TMEM161B: variants seen among roughly 807,000 people sequenced by gnomAD.
TMEM161B encodes transmembrane protein 161B.
Under a neutral mutation model 61.8 loss-of-function variants are expected in TMEM161B, and 34 were observed. That is an observed-to-expected ratio of 0.55 (90% CI 0.42 to 0.73). The LOEUF (loss-of-function observed/expected upper bound fraction) is 0.73, where lower values mean the gene tolerates loss of function less well. Ranked by LOEUF, TMEM161B falls within the 30% of genes least tolerant of loss-of-function variation. The pLI, the probability that TMEM161B is intolerant of heterozygous loss-of-function variation, is 0.00. For missense variants in TMEM161B, 456 were observed against 558.5 expected (o/e 0.82, Z 1.85); for synonymous variants, 167 against 192.8 (o/e 0.87, Z 1.11).
rs1753634487 is a variant in TMEM161B, at chr5:88,246,466, T to TTTAATATATTA, written c.4-5561_4-5551dup. Among the ~76,000 whole-genome samples the TTTAATATATTA allele has an allele frequency of 2.0e-5, 3 of 151,862 alleles. No individual in the cohort carries two copies. The South Asian group carries it at 6.2e-4, about 31-fold the overall frequency. On this transcript the variant is annotated intron_variant, in intron 1 of 11. Coordinates refer to ENST00000296595, the MANE Select transcript of TMEM161B (RefSeq NM_153354.5). ...TTTAGAGAATTATATGTATTATCAA[T>TTTAATATATTA]TTAATATATTATTAATGTTGAACTT...
At chr5:88,216,613 T>C (rs1747892789) in intron 5 of TMEM161B, among the ~76,000 whole-genome samples, 2 of 152,202 alleles carry the variant, frequency 1.3e-5, no homozygotes, top group Admixed American at 6.5e-5. Context: ...TCTTCTAGTC[T>C]AAACTATACC....
chr5:88,204,724 A>T (rs1458666480), intron 8 of TMEM161B, among the ~76,000 whole-genome samples: 1 of 151,708 alleles, frequency 6.6e-6, no homozygotes, highest in Non-Finnish European at 1.5e-5. Flanking sequence ...GAAAGACGGG[A>T]TGCAGCCAAA....
intron 3 of TMEM161B, among the ~76,000 whole-genome samples, chr5:88,226,576 C>G (rs944409500): frequency 6.6e-6 from 1 of 152,128 alleles, no homozygotes; most frequent in Non-Finnish European, 1.5e-5. Context: ...CAGGTACACA[C>G]CCCCATGGCC....
chr5:88,228,712 G>A, intron 2 of TMEM161B, among the ~76,000 whole-genome samples, 184 bp from the exon 3 acceptor site: 1 of 152,050 alleles, frequency 6.6e-6, no homozygotes, highest in South Asian at 2.1e-4. Flanking sequence ...ACATCCAGCA[G>A]ACACTTAACC....
chr5:88,257,135 A>T (rs1253657666), intron 1 of TMEM161B, among the ~76,000 whole-genome samples: 1 of 152,032 alleles, frequency 6.6e-6, no homozygotes. Context: ...CAGGAGTGGC[A>T]GCGACAGCCT....
intron 5 of TMEM161B, among the ~76,000 whole-genome samples, chr5:88,213,981 G>T (rs1475953924): frequency 1.3e-5 from 2 of 152,062 alleles, no homozygotes; most frequent in Non-Finnish European, 2.9e-5. Context: ...GTAAATAAAA[G>T]AATATAGTTA....
chr5:88,222,172 A>C (rs1749123210), intron 4 of TMEM161B, among the ~76,000 whole-genome samples: 4 of 152,136 alleles, frequency 2.6e-5, no homozygotes, highest in African/African-American at 9.7e-5. Flanking sequence ...GGGCTCAAAC[A>C]ATCTTCCCAC....
In TMEM161B at chr5:88,268,758, G is replaced by C. The variant is rs953591097; in HGVS notation, c.-35C>G. 10 of 1,613,828 alleles carry C rather than the reference G, an allele frequency of 6.2e-6. No individual in the cohort carries two copies. The highest frequency in any genetic ancestry group is 8.5e-6 in the Non-Finnish European group (10 of 1,179,926). On this transcript the variant is annotated 5_prime_UTR_variant, in exon 1 of 12. Transcript: ENST00000296595. ...GATAGGTCGTGGACCAGACACCCTG[G>C]AGTTGCCGGGGCAGTCCCAAACCTC... is the stretch of plus-strand genomic sequence containing the variant.
At chr5:88,238,798 A>T (rs1752273496) in intron 2 of TMEM161B, among the ~76,000 whole-genome samples, 1 of 152,024 alleles carries the variant, frequency 6.6e-6, no homozygotes, top group Non-Finnish European at 1.5e-5. Flanking sequence ...CAATAATCTT[A>T]TTCGATTGAG....
rs763719600 is a variant in TMEM161B at position 88,228,529 on chromosome 5, C to T, written c.108-1G>A. The stretch of plus-strand genomic sequence containing the variant: ...TGTAGGATGTTGATACCACCTCAAA[C>T]TAAGCAAAAAAAGAATTCTTTTAAA... On this transcript the variant is annotated splice_acceptor_variant, in intron 2 of 11. Transcript: ENST00000296595. LOFTEE classifies it high-confidence loss of function. The T allele has an allele frequency of 6.3e-7, 1 of 1,587,124 alleles. No homozygotes were observed. The highest frequency in any genetic ancestry group is 1.8e-5 in the Admixed American group (1 of 54,502).
downstream of TMEM161B, among the ~76,000 whole-genome samples, chr5:88,190,692 TA>T (rs1748725701): frequency 6.6e-6 from 1 of 152,228 alleles, no homozygotes; most frequent in Non-Finnish European, 1.5e-5. Flanking sequence ...ATACTGCTTC[TA>T]ACTGCAAGAT....
chr5:88,244,619 T>C (rs1299714771), intron 1 of TMEM161B, among the ~76,000 whole-genome samples: 2 of 145,082 alleles, frequency 1.4e-5, no homozygotes, highest in Non-Finnish European at 3.0e-5. Context: ...GTGCCATAGC[T>C]ATTTGAGCTT....
At chr5:88,240,655 CA>C (rs879496887) in intron 2 of TMEM161B, among the ~76,000 whole-genome samples, 157 bp downstream of exon 2, 43 of 138,806 alleles carry the variant, frequency 3.1e-4, no homozygotes, top group Admixed American at 2.9e-4. Flanking sequence ...GTCTTGTCTC[CA>C]AAAAAAAAAA....
At position 88,203,805 on chromosome 5, in the gene TMEM161B, ATATATATAT is replaced by A. The variant is rs1561312790; in HGVS notation, c.801-739_801-731del. 2.2e-3 allele frequency among the ~76,000 whole-genome samples: 141 copies of A among 64,852 alleles called. 12 individuals carry two copies. Among genetic ancestry groups the A allele is most frequent in the African/African-American group, 4.1e-3 (72 of 17,744 alleles). The allele number at this position is 64,852 out of a possible 152,430, so 42.5% of individuals were successfully genotyped here. A position where few individuals can be genotyped will look rare whatever the true frequency, so the allele number is the denominator to read the frequency against. On this transcript the variant is annotated intron_variant, in intron 8 of 11. Coordinates refer to ENST00000296595, the MANE Select transcript of TMEM161B (RefSeq NM_153354.5). ...TATATATATATATATATATATATAT[ATATATATAT>A]AATTTGCATTACTCCTGACAAGGCA...
chr5:88,243,073 A>G (rs1753003216), intron 1 of TMEM161B, among the ~76,000 whole-genome samples: 1 of 151,736 alleles, frequency 6.6e-6, no homozygotes, highest in South Asian at 2.1e-4. Flanking sequence ...CTTAAACAGG[A>G]CCATTTTACT....
At position 88,225,822 on chromosome 5, in the gene TMEM161B, T is replaced by C. The variant is rs199607857; in HGVS notation, c.236A>G (p.Lys79Arg). 10 of 1,611,532 alleles carry C rather than the reference T, an allele frequency of 6.2e-6. No individual in the cohort carries two copies. The highest frequency in any genetic ancestry group is 8.5e-6 in the Non-Finnish European group (10 of 1,178,888). ...TGTTTCTAGATGAAGGTCAATATCC[T>C]TTGGAATGGTTAATGGCTTACTTTC... ...HIESKPLTIP[K>R]DIDLHLETKS... is the part of the protein sequence containing the mutation. Residue 79 changes from lysine (K) to arginine (R), a missense_variant, in exon 4 of 12, where the codon AAG becomes AGG. By Grantham distance (26) the Lys-to-Arg change is conservative. Around this residue, in one of 3 missense-constraint regions of TMEM161B, gnomAD observed 85 missense variants for 111.2 expected, o/e 0.76. Coordinates refer to ENST00000296595, the MANE Select transcript of TMEM161B (RefSeq NM_153354.5).
At chr5:88,268,670 C>T in intron 1 of TMEM161B, 51 bp downstream of exon 1, 1 of 1,613,698 alleles carries the variant, frequency 6.2e-7, no homozygotes, top group Non-Finnish European at 8.5e-7. Context: ...ACTGACCTCC[C>T]CGCCCTTTTC....
intron 3 of TMEM161B, among the ~76,000 whole-genome samples, chr5:88,226,290 T>A (rs567405248): frequency 7.2e-5 from 11 of 151,872 alleles, no homozygotes; most frequent in Non-Finnish European, 1.5e-4. Flanking sequence ...CAAGTCAGAG[T>A]TGAAGAAAGA....
chr5:88,206,985 T>C (rs1745627006), intron 6 of TMEM161B, 44 bp downstream of exon 6: 2 of 1,577,830 alleles, frequency 1.3e-6, no homozygotes, highest in African/African-American at 1.4e-5. Context: ...ATATTAACAC[T>C]AGATAAAGCA....
Sources: gnomAD v4.1 joint callset for allele counts (sites outside exome capture counted in the v4.1 genomes callset) on GRCh38, gnomAD v4.1.1 for gene constraint, gnomAD v4.1.1 regional missense constraint, MANE v1.5 for transcripts, NCBI Gene and HGNC (gene_info 2026-07-23, HGNC 2026-07-21) for gene names.